Variants in DYNC1I1 observed in about 807,000 individuals in gnomAD.
The protein encoded by DYNC1I1 is dynein cytoplasmic 1 intermediate chain 1.
In DYNC1I1, 43 loss-of-function variants were observed where a neutral mutation model predicts 86.6. That is an observed-to-expected ratio of 0.50 (90% CI 0.39 to 0.64). The LOEUF is 0.64. Ranked by LOEUF, DYNC1I1 falls within the 30% of genes least tolerant of loss-of-function variation. DYNC1I1 has a pLI of 0.00. For missense variants in DYNC1I1, 604 were observed against 788.8 expected, an observed-to-expected ratio of 0.77 and a Z score of 2.81; for synonymous variants, 262 against 283.7, an observed-to-expected ratio of 0.92 and a Z score of 0.77.
intron 4 of DYNC1I1, among the ~76,000 whole-genome samples, chr7:95,822,797 A>T (rs1297511081): frequency 6.6e-6 from 1 of 152,230 alleles, no homozygotes; most frequent in Admixed American, 6.5e-5. Context: ...ATGGTTCCCC[A>T]GCGGGGAATA....
intron 7 of DYNC1I1, among the ~76,000 whole-genome samples, chr7:95,980,857 A>G (rs1793441703): frequency 6.6e-6 from 1 of 152,050 alleles, no homozygotes; most frequent in African/African-American, 2.4e-5. Flanking sequence ...ATACAAATCA[A>G]CTCATAAACC....
At chr7:95,916,327 A>T (rs1158692317) in intron 6 of DYNC1I1, among the ~76,000 whole-genome samples, 1 of 152,200 alleles carries the variant, frequency 6.6e-6, no homozygotes, top group East Asian at 1.9e-4. Context: ...TCTTCGCCTT[A>T]AATTTGAAAC....
intron 6 of DYNC1I1, among the ~76,000 whole-genome samples, chr7:95,893,040 A>C (rs943408106): frequency 1.3e-5 from 2 of 151,982 alleles, no homozygotes; most frequent in African/African-American, 4.8e-5. Flanking sequence ...TTTTTTCTTC[A>C]TTTCTTAATA....
At chr7:95,848,756 G>A (rs1324859063) in intron 5 of DYNC1I1, among the ~76,000 whole-genome samples, 4 of 152,054 alleles carry the variant, frequency 2.6e-5, no homozygotes, top group Non-Finnish European at 5.9e-5. Context: ...TAGTGGGATT[G>A]CTGGATCATA....
chr7:96,102,898 CTT>C (rs1791156018), downstream of DYNC1I1, among the ~76,000 whole-genome samples: 1 of 152,140 alleles, frequency 6.6e-6, no homozygotes. Context: ...AGGATATAAA[CTT>C]AACTACACAT....
At position 96,080,504 on chromosome 7, in the gene DYNC1I1, T is replaced by C. The variant is rs1790482554; in HGVS notation, c.1776+16T>C. On this transcript the variant is annotated intron_variant, in intron 16 of 16. Coordinates refer to ENST00000447467, the MANE Select transcript of DYNC1I1 (RefSeq NM_001135556.2). ...CGTTGGAGAGGTACGTGTGTATTTG[T>C]GTTGTTGTTACTGTTTTGACTTGTG... 1 of 1,614,024 alleles carries C rather than the reference T, an allele frequency of 6.2e-7. No homozygotes were observed. Among genetic ancestry groups the C allele is most frequent in the African/African-American group, 1.3e-5 (1 of 74,924 alleles).
Position 95,885,391 on chromosome 7 carries a change from G to C in DYNC1I1, c.490+15393G>C, listed in dbSNP as rs554749009. Among the ~76,000 whole-genome samples, 15 of 152,230 alleles carry C rather than the reference G, an allele frequency of 9.9e-5. No homozygotes were observed. In the Middle Eastern group the frequency reaches 0.01, roughly 104 times the overall value. On this transcript the variant is annotated intron_variant, in intron 6 of 16. Transcript: ENST00000447467. ...GGGGTTTTCCCATGTTGGCCAGGCT[G>C]GTCTTGAATGCCTGACCTCAAGTGA... is the stretch of plus-strand genomic sequence containing the variant.
intron 6 of DYNC1I1, among the ~76,000 whole-genome samples, chr7:95,972,647 C>T (rs2115597711): frequency 6.6e-6 from 1 of 152,302 alleles, no homozygotes; most frequent in Non-Finnish European, 1.5e-5. Flanking sequence ...AAATACCTCA[C>T]ATTTGTAAGG....
chr7:96,058,822 T>A lies in DYNC1I1; in HGVS notation c.1510-17235T>A, dbSNP rs938862396. On this transcript the variant is annotated intron_variant, in intron 14 of 16. Transcript: ENST00000447467. ...CTAATTTTTTTTTTTTTTTTTTTTTTTGGTGGAGACAGGGTTTCACCATGT... is the reference window on the plus strand; with the variant it reads ...CTAATTTTTTTTTTTTTTTTTTTTTATGGTGGAGACAGGGTTTCACCATGT... 5.0e-4 allele frequency among the ~76,000 whole-genome samples: 75 copies of A among 149,794 alleles called. 1 individual carries two copies. The highest frequency in any genetic ancestry group is 6.8e-3 in the Middle Eastern group (2 of 294).
intron 16 of DYNC1I1, among the ~76,000 whole-genome samples, chr7:96,106,378 GC>G (rs983601341): frequency 2.0e-5 from 3 of 151,792 alleles, no homozygotes; most frequent in Admixed American, 2.0e-4. Flanking sequence ...TACTAAAAAT[GC>G]AAAAAATTAG....
rs183842722 is a variant in DYNC1I1 at position 95,997,313 on chromosome 7, G to A, written c.969+1240G>A. ...TTTGTTCAGTTTTACAAGGTTTGCC[G>A]AATTCCCAGGAAAATACTGTAAGGA... On this transcript the variant is annotated intron_variant, in intron 10 of 16. Coordinates refer to ENST00000447467, the MANE Select transcript of DYNC1I1 (RefSeq NM_001135556.2). 3.3e-5 allele frequency among the ~76,000 whole-genome samples: 5 copies of A among 151,924 alleles called. No individual in the cohort carries two copies. In the East Asian group the frequency reaches 7.8e-4, roughly 24 times the overall value.
chr7:95,885,896 T>G (rs1339092890), intron 6 of DYNC1I1, among the ~76,000 whole-genome samples: 1 of 152,218 alleles, frequency 6.6e-6, no homozygotes, highest in African/African-American at 2.4e-5. Context: ...TTTTTATTCC[T>G]TGCACTTAAT....
intron 16 of DYNC1I1, among the ~76,000 whole-genome samples, chr7:96,105,602 G>A (rs913104820): frequency 2.0e-5 from 3 of 152,082 alleles, no homozygotes; most frequent in Non-Finnish European, 4.4e-5. Context: ...TGTGAATACT[G>A]ATCTATAATT....
intron 1 of DYNC1I1, among the ~76,000 whole-genome samples, chr7:95,792,205 A>G (rs959422113): frequency 6.6e-6 from 1 of 152,214 alleles, no homozygotes; most frequent in African/African-American, 2.4e-5. Flanking sequence ...GCACTATGGT[A>G]CATGTTCCAG....
At chr7:96,041,162 C>T (rs1789036357) in intron 14 of DYNC1I1, among the ~76,000 whole-genome samples, 1 of 152,150 alleles carries the variant, frequency 6.6e-6, no homozygotes, top group African/African-American at 2.4e-5. Context: ...TTCTTTGCAG[C>T]TTCATGGGTA....
At chr7:96,025,008 C>T (rs926521926) in intron 10 of DYNC1I1, among the ~76,000 whole-genome samples, 1 of 151,944 alleles carries the variant, frequency 6.6e-6, no homozygotes, top group African/African-American at 2.4e-5. Context: ...CCTCATTGTC[C>T]AAACTGTAGT....
chr7:95,950,259 G>A (rs1792517325), intron 6 of DYNC1I1, among the ~76,000 whole-genome samples: 1 of 152,188 alleles, frequency 6.6e-6, no homozygotes, highest in Non-Finnish European at 1.5e-5. Flanking sequence ...ACACTTGCCA[G>A]CCTTTGAATA....
At chr7:95,808,842 CT>C (rs1794762238) in intron 2 of DYNC1I1, among the ~76,000 whole-genome samples, 1 of 152,134 alleles carries the variant, frequency 6.6e-6, no homozygotes, top group African/African-American at 2.4e-5. Context: ...AAAATCACTC[CT>C]TGTTGAATCA....
At chr7:95,998,460 T>C (rs1463599222) in intron 10 of DYNC1I1, among the ~76,000 whole-genome samples, 3 of 152,226 alleles carry the variant, frequency 2.0e-5, no homozygotes, top group East Asian at 1.9e-4. Context: ...AATTAAAATG[T>C]ATATGTGGAA....
Sources: allele counts gnomAD v4.1 joint callset (sites outside exome capture counted in the v4.1 genomes callset), GRCh38; gene constraint gnomAD v4.1.1; transcripts MANE v1.5; gene names NCBI Gene and HGNC (gene_info 2026-07-23, HGNC 2026-07-21).